GRAMD4: variants seen among roughly 807,000 people sequenced by gnomAD.
The protein encoded by GRAMD4 is GRAM domain-containing protein 4.
A neutral mutation model predicts 83.9 loss-of-function variants in GRAMD4; 25 were observed. The ratio of observed to expected loss-of-function variants is 0.30; its 90% CI spans 0.22 to 0.42. The LOEUF (loss-of-function observed/expected upper bound fraction) is 0.42. Among genes scored for constraint, GRAMD4 ranks in the 10% least tolerant of loss-of-function variants. The pLI is 1.00. For missense variants in GRAMD4, 593 were observed against 788.7 expected (o/e 0.75, Z 2.97); for synonymous variants, 336 against 320.9 (o/e 1.05, Z -0.50).
At chr22:46,636,630 G>T (rs1021982634) in intron 2 of GRAMD4, among the ~76,000 whole-genome samples, 1 of 152,230 alleles carries the variant, frequency 6.6e-6, no homozygotes, top group African/African-American at 2.4e-5. Flanking sequence ...GAAGTCTGAG[G>T]ACCCAGCTGG....
rs201343000 is a variant in GRAMD4, at chr22:46,626,980, C to T, written c.162+19C>T. ...GGACCCTGTGAGTACCTGTCCTCGT[C>T]CCCCGGTGTGGGCTGGGGTGTCGTC... On this transcript the variant is annotated intron_variant, in intron 2 of 18. Transcript: ENST00000406902. 1.4e-4 allele frequency: 228 copies of T among 1,582,312 alleles called. 2 individuals are homozygous for T. The East Asian group carries it at 2.2e-3, about 15-fold the overall frequency.
chr22:46,668,992 A>G (rs2082457490), intron 13 of GRAMD4, 84 bp downstream of exon 13: 2 of 777,210 alleles, frequency 2.6e-6, no homozygotes, highest in Non-Finnish European at 4.5e-6. Context: ...AGGTGTCTGC[A>G]AGAGCTGTTA....
intron 1 of GRAMD4, among the ~76,000 whole-genome samples, chr22:46,586,146 C>T (rs1300375568): frequency 2.0e-5 from 3 of 152,062 alleles, no homozygotes; most frequent in African/African-American, 4.8e-5. Context: ...GGGCTGCCCT[C>T]GCTGGGGATG....
chr22:46,635,491 GT>G, intron 2 of GRAMD4, among the ~76,000 whole-genome samples: 1 of 79,304 alleles, frequency 1.3e-5, no homozygotes, highest in South Asian at 3.9e-4. Context: ...GGCCACTCCT[GT>G]CCTGGGAGGC....
chr22:46,626,606 G>A (rs2081663811), intron 1 of GRAMD4, 145 bp from the exon 2 acceptor site: 2 of 566,280 alleles, frequency 3.5e-6, no homozygotes, highest in Middle Eastern at 9.4e-4. Flanking sequence ...GCTTGGAGGT[G>A]TGTGTGGGAG....
At chr22:46,675,447 C>A (rs2082582757) in intron 16 of GRAMD4, 21 bp from the exon 17 acceptor site, 1 of 1,582,896 alleles carries the variant, frequency 6.3e-7, no homozygotes, top group African/African-American at 1.3e-5. Flanking sequence ...CAGGCGACGC[C>A]TCTGTCCGTT....
chr22:46,653,828 C>T (rs1432913867), intron 3 of GRAMD4, among the ~76,000 whole-genome samples: 1 of 152,154 alleles, frequency 6.6e-6, no homozygotes, highest in Non-Finnish European at 1.5e-5. Flanking sequence ...TGAGCCTTCC[C>T]GCCTTGGCCT....
At position 46,677,395 on chromosome 22, in the gene GRAMD4, G is replaced by T; in HGVS notation, c.*144G>T. 7.1e-7 allele frequency: 1 copy of T among 1,398,870 alleles called. No individual in the cohort carries two copies. Among genetic ancestry groups the T allele is most frequent in the Non-Finnish European group, 9.3e-7 (1 of 1,078,304 alleles). 86.7% of individuals were successfully genotyped at this position (1,398,870 alleles called of 1,614,324 possible). A position where few individuals can be genotyped will look rare whatever the true frequency, so the allele number is the denominator to read the frequency against. On this transcript the variant is annotated 3_prime_UTR_variant, in exon 19 of 19. Transcript: ENST00000406902. ...CCTGGACCTGTGGTTCTATTGTGTT[G>T]ACCTCTGCGTTTTATCGACCAAGAA... is the stretch of plus-strand genomic sequence containing the variant.
At position 46,620,927 on chromosome 22, in the gene GRAMD4, G is replaced by A. The variant is rs968473275; in HGVS notation, c.-50+362G>A. Reference sequence around the variant, plus strand: ...AGAGGGAGGGAGGCCCATCCGAGAGGGAGGAGGCCGATCTGAGAGGGCCGC... The same window carrying A: ...AGAGGGAGGGAGGCCCATCCGAGAGAGAGGAGGCCGATCTGAGAGGGCCGC... On this transcript the variant is annotated intron_variant, in intron 1 of 18. Transcript: ENST00000406902. The surrounding 1 kb of genome is among the most constrained non-coding windows in gnomAD (Gnocchi z 4.7). Among the ~76,000 whole-genome samples, 1 of 152,118 alleles carries A rather than the reference G, an allele frequency of 6.6e-6. No individual in the cohort carries two copies. Among genetic ancestry groups the A allele is most frequent in the African/African-American group, 2.4e-5 (1 of 41,428 alleles).
chr22:46,591,114 A>G (rs2147005369), intron 1 of GRAMD4, among the ~76,000 whole-genome samples: 1 of 152,328 alleles, frequency 6.6e-6, no homozygotes, highest in South Asian at 2.1e-4. Flanking sequence ...AGAAGGCAAG[A>G]GCCCTGGAAT....
At chr22:46,591,227 A>G (rs1007092208) in intron 1 of GRAMD4, among the ~76,000 whole-genome samples, 4 of 152,154 alleles carry the variant, frequency 2.6e-5, no homozygotes, top group Admixed American at 2.6e-4. Context: ...TTAAACAGAA[A>G]TTAACAGGGC....
upstream of GRAMD4, among the ~76,000 whole-genome samples, chr22:46,617,127 T>C (rs1291652237): frequency 6.9e-6 from 1 of 145,276 alleles, no homozygotes; most frequent in Non-Finnish European, 1.5e-5. Flanking sequence ...GGTTCCCCCA[T>C]GTGTAGGTTC....
intron 17 of GRAMD4, among the ~76,000 whole-genome samples, chr22:46,676,058 G>C (rs1324575706): frequency 2.0e-5 from 3 of 152,230 alleles, no homozygotes; most frequent in African/African-American, 7.2e-5. Context: ...AGGCACACTT[G>C]GCCCGAGTGG....
intron 3 of GRAMD4, among the ~76,000 whole-genome samples, chr22:46,652,518 G>T (rs997886700): frequency 6.6e-6 from 1 of 152,228 alleles, no homozygotes; most frequent in Non-Finnish European, 1.5e-5. Context: ...CAAATGCAGA[G>T]GTCACCAAGG....
Position 46,659,100 on chromosome 22 carries a change from C to T in GRAMD4, c.404+793C>T, listed in dbSNP as rs1055532998. ...TCAAACTGGTGCCTGGTACATGAGGCCAGGGAGCTCAGGCCACTCACCTCT... is the reference window on the plus strand; with the variant it reads ...TCAAACTGGTGCCTGGTACATGAGGTCAGGGAGCTCAGGCCACTCACCTCT... On this transcript the variant is annotated intron_variant, in intron 4 of 18. Transcript: ENST00000406902. The surrounding 1 kb of genome is among the most constrained non-coding windows in gnomAD (Gnocchi z 4.1). Among the ~76,000 whole-genome samples, 49 of 152,144 alleles carry T rather than the reference C, an allele frequency of 3.2e-4. No homozygotes were observed. The highest frequency in any genetic ancestry group is 1.1e-3 in the African/African-American group (45 of 41,406).
chr22:46,668,692 C>T lies in GRAMD4; in HGVS notation c.934C>T (p.Leu312Phe). 1 of 1,612,526 alleles carries T rather than the reference C, an allele frequency of 6.2e-7. No individual in the cohort carries two copies. The highest frequency in any genetic ancestry group is 8.5e-7 in the Non-Finnish European group (1 of 1,179,448). ...TTGCTGTTTCTCCTTCACACAGAAC[C>T]TTTTCGGGAAGATGGCTGACATCCT... The part of the protein sequence containing the change: ...VLDVAQKAQN[L>F]FGKMADILEK... Residue 312 changes from leucine to phenylalanine, a missense_variant, in exon 12 of 19, where the codon CTT becomes TTT. Leu to Phe is a conservative substitution (Grantham distance 22). This residue lies in a region of GRAMD4 where 36 missense variants were observed against 85.8 expected (regional missense o/e 0.42). Coordinates refer to ENST00000406902, the MANE Select transcript of GRAMD4 (RefSeq NM_015124.5).
chr22:46,650,041 GGGGCCTCTGGGTGTGC>G (rs972419268), intron 3 of GRAMD4, among the ~76,000 whole-genome samples: 1 of 152,218 alleles, frequency 6.6e-6, no homozygotes, highest in Non-Finnish European at 1.5e-5. Context: ...GTGGCCAGGT[GGGGCCTCTGGGTGTGC>G]GGGCCTCCGG....
At chr22:46,580,230 C>T (rs1602283360) in intron 1 of GRAMD4, among the ~76,000 whole-genome samples, 1 of 152,356 alleles carries the variant, frequency 6.6e-6, no homozygotes, top group South Asian at 2.1e-4. Flanking sequence ...TGGGAAGCAG[C>T]GTCTCTTGCC....
In GRAMD4 at chr22:46,584,034, C is replaced by T. The variant is rs184167930; in HGVS notation, c.-50+6744C>T. Among the ~76,000 whole-genome samples, 5 of 152,284 alleles carry T rather than the reference C, an allele frequency of 3.3e-5. No individual in the cohort carries two copies. The East Asian group carries it at 7.7e-4, about 24-fold the overall frequency. ...GTGGGTTCGTGGATACTCATTTAAT[C>T]CTCTAGGTCAATGCGGAATGCCATT... On this transcript the variant is annotated intron_variant, in intron 1 of 1. Coordinates refer to the GRAMD4 transcript ENST00000431155.
Sources: gnomAD v4.1 joint callset for allele counts (sites outside exome capture counted in the v4.1 genomes callset) on GRCh38, gnomAD v4.1.1 for gene constraint, gnomAD v4.1.1 regional missense constraint, Gnocchi (gnomAD v3.1) non-coding constraint, MANE v1.5 for transcripts, NCBI Gene and HGNC (gene_info 2026-07-23, HGNC 2026-07-21) for gene names.